The following GPR39 variants were observed in gnomAD, a reference collection of about 807,000 sequenced individuals.
GPR39 encodes the protein G protein-coupled receptor 39.
A neutral mutation model predicts 18.4 loss-of-function variants in GPR39; 23 were observed. The ratio of observed to expected loss-of-function variants is 1.25; its 90% CI spans 0.90 to 1.77. The LOEUF (loss-of-function observed/expected upper bound fraction) is 1.77. Among genes scored for constraint, GPR39 ranks in the 40% most tolerant of loss-of-function variants. GPR39 has a pLI of 0.00. For synonymous variants in GPR39, 280 were observed against 257.9 expected (o/e 1.09, Z -0.82); for missense variants, 647 against 602.4 (o/e 1.07, Z -0.78).
intron 1 of GPR39, among the ~76,000 whole-genome samples, chr2:132,599,109 T>G (rs766826518): frequency 6.6e-5 from 10 of 152,002 alleles, no homozygotes; most frequent in African/African-American, 2.4e-4. Context: ...AACCAGGAGC[T>G]CTCAAGGGTC....
In GPR39 at chr2:132,438,074, G is replaced by A. The variant is rs114843862; in HGVS notation, c.856+20176G>A. ...AACATTGGGGTTTCAGGGAAGGGACGGAGTGTTGCAGCAATCCTGGAAGCC... is the reference window on the plus strand; with the variant it reads ...AACATTGGGGTTTCAGGGAAGGGACAGAGTGTTGCAGCAATCCTGGAAGCC... On this transcript the variant is annotated intron_variant, in intron 1 of 1. Transcript: ENST00000329321. 3.9e-3 allele frequency among the ~76,000 whole-genome samples: 601 copies of A among 152,320 alleles called. 8 individuals are homozygous for A. The highest frequency in any genetic ancestry group is 0.013 in the African/African-American group (544 of 41,566).
chr2:132,477,784 TA>T (rs1681156869), intron 1 of GPR39, among the ~76,000 whole-genome samples: 1 of 152,244 alleles, frequency 6.6e-6, no homozygotes, highest in Non-Finnish European at 1.5e-5. Context: ...ATATTAAGTA[TA>T]TTACAAAGTT....
intron 1 of GPR39, among the ~76,000 whole-genome samples, chr2:132,569,688 T>C (rs1680409686): frequency 6.6e-6 from 1 of 152,052 alleles, no homozygotes. Context: ...TGATACAGTT[T>C]GGCTCTGTGT....
intron 1 of GPR39, among the ~76,000 whole-genome samples, chr2:132,619,165 C>T (rs932359755): frequency 3.9e-5 from 6 of 152,256 alleles, no homozygotes; most frequent in African/African-American, 1.2e-4. Flanking sequence ...CCAGCAGGTG[C>T]GAGATCATGG....
chr2:132,644,690 A>C (rs1158590419), intron 1 of GPR39, among the ~76,000 whole-genome samples: 2 of 151,870 alleles, frequency 1.3e-5, no homozygotes, highest in East Asian at 1.9e-4. Context: ...AAATACAAAC[A>C]CTGCTTTATC....
chr2:132,566,133 A>G (rs1482896556), intron 1 of GPR39, among the ~76,000 whole-genome samples: 8 of 148,018 alleles, frequency 5.4e-5, no homozygotes, highest in Middle Eastern at 3.4e-3. Flanking sequence ...GTTTTGATTT[A>G]CATTTCTCTG....
chr2:132,511,485 A>C (rs1271574925), intron 1 of GPR39, among the ~76,000 whole-genome samples: 1 of 152,254 alleles, frequency 6.6e-6, no homozygotes, highest in Non-Finnish European at 1.5e-5. Flanking sequence ...CAAAAATGAC[A>C]AAATGGTTTT....
At chr2:132,526,072 T>G (rs1679502515) in intron 1 of GPR39, among the ~76,000 whole-genome samples, 1 of 152,178 alleles carries the variant, frequency 6.6e-6, no homozygotes, top group African/African-American at 2.4e-5. Flanking sequence ...TACTATAACT[T>G]ACTTGGTGGC....
intron 1 of GPR39, among the ~76,000 whole-genome samples, chr2:132,637,950 C>A (rs761362823): frequency 3.3e-5 from 5 of 152,040 alleles, no homozygotes; most frequent in Admixed American, 3.3e-4. Context: ...GGAATGGTTG[C>A]ACATGGCTTG....
chr2:132,474,699 A>G (rs1285969167), intron 1 of GPR39, among the ~76,000 whole-genome samples: 1 of 152,232 alleles, frequency 6.6e-6, no homozygotes, highest in Admixed American at 6.5e-5. Flanking sequence ...TTGCTACTCC[A>G]GCCTTGCTGC....
intron 1 of GPR39, among the ~76,000 whole-genome samples, chr2:132,581,834 A>T (rs915509469): frequency 2.0e-5 from 3 of 152,192 alleles, no homozygotes; most frequent in African/African-American, 7.2e-5. Context: ...CCCATCTTTC[A>T]GGGCGAGTGA....
intron 1 of GPR39, among the ~76,000 whole-genome samples, chr2:132,446,822 T>C (rs1362786551): frequency 6.6e-6 from 1 of 151,848 alleles, no homozygotes; most frequent in Non-Finnish European, 1.5e-5. Context: ...ATAGGGTAGA[T>C]TGTGGGGACA....
At chr2:132,587,445 A>G (rs922256527) in intron 1 of GPR39, among the ~76,000 whole-genome samples, 1 of 152,230 alleles carries the variant, frequency 6.6e-6, no homozygotes, top group African/African-American at 2.4e-5. Flanking sequence ...TAAGAAGTGT[A>G]TATTTGTTGT....
At chr2:132,634,089 G>T (rs546225021) in intron 1 of GPR39, among the ~76,000 whole-genome samples, 36 of 151,722 alleles carry the variant, frequency 2.4e-4, no homozygotes, top group Non-Finnish European at 4.4e-4. Flanking sequence ...GTTGGTGTTC[G>T]TGGTGATGGA....
At chr2:132,512,306 C>T (rs1178497997) in intron 1 of GPR39, among the ~76,000 whole-genome samples, 1 of 152,164 alleles carries the variant, frequency 6.6e-6, no homozygotes, top group Non-Finnish European at 1.5e-5. Flanking sequence ...CAGCACACCT[C>T]CCCAGGTCAG....
intron 1 of GPR39, among the ~76,000 whole-genome samples, chr2:132,560,513 C>A (rs1025582481): frequency 6.6e-6 from 1 of 152,236 alleles, no homozygotes; most frequent in African/African-American, 2.4e-5. Context: ...TACCACCATT[C>A]TGCCTTCCCC....
At chr2:132,466,504 G>GAA (rs2104780163) in intron 1 of GPR39, among the ~76,000 whole-genome samples, 1 of 152,254 alleles carries the variant, frequency 6.6e-6, no homozygotes, top group Non-Finnish European at 1.5e-5. Flanking sequence ...CAGGGCCAGG[G>GAA]TTGACTGAGT....
At chr2:132,453,277 T>G (rs976811701) in intron 1 of GPR39, among the ~76,000 whole-genome samples, 2 of 152,260 alleles carry the variant, frequency 1.3e-5, no homozygotes, top group Non-Finnish European at 2.9e-5. Context: ...CATAGATGTC[T>G]TCTTTTGAGA....
Position 132,501,042 on chromosome 2 carries a change from T to C in GPR39, c.856+83144T>C, listed in dbSNP as rs181664836. On this transcript the variant is annotated intron_variant, in intron 1 of 1. Transcript: ENST00000329321. ...TTTAAAGAACCAAGTTTTTGTTTCATTTATCTTTTGTGTTTTTTTTTTTTT... is the reference window on the plus strand; with the variant it reads ...TTTAAAGAACCAAGTTTTTGTTTCACTTATCTTTTGTGTTTTTTTTTTTTT... Among the ~76,000 whole-genome samples the C allele has an allele frequency of 9.3e-3, 1,285 of 137,836 alleles. 21 individuals are homozygous for C. Among genetic ancestry groups the C allele is most frequent in the African/African-American group, 0.032 (1,220 of 37,802 alleles). The allele number at this position is 137,836 out of a possible 152,430, so 90.4% of individuals were successfully genotyped here. A position where few individuals can be genotyped will look rare whatever the true frequency, so the allele number is the denominator to read the frequency against.
Sources: gnomAD v4.1 joint callset for allele counts (sites outside exome capture counted in the v4.1 genomes callset) on GRCh38, gnomAD v4.1.1 for gene constraint, MANE v1.5 for transcripts, NCBI Gene and HGNC (gene_info 2026-07-23, HGNC 2026-07-21) for gene names.